Variants in NRG2 observed in about 807,000 individuals in gnomAD.
NRG2 encodes the protein pro-neuregulin-2, membrane-bound isoform.
In NRG2, 27 loss-of-function variants were observed where a neutral mutation model predicts 73.9. The observed-to-expected ratio is 0.37, with a 90% CI of 0.27 to 0.50. The LOEUF (loss-of-function observed/expected upper bound fraction) is 0.50. NRG2 is among the 20% of genes least tolerant of loss of function. The pLI, the probability that NRG2 is intolerant of heterozygous loss-of-function variation, is 0.96. For synonymous variants in NRG2, 532 were observed against 541.0 expected, an observed-to-expected ratio of 0.98 and a Z score of 0.23; for missense variants, 1,126 against 1,210.1, an observed-to-expected ratio of 0.93 and a Z score of 1.03.
chr5:139,851,321 A>C lies in NRG2; in HGVS notation c.1772+283T>G, dbSNP rs1761401351. The stretch of plus-strand genomic sequence containing the variant: ...TTCTTGATGTTCCAGTGTAACTATT[A>C]ATAATGTCCTTTTTCTAGTGTGAAA... On this transcript the variant is annotated intron_variant, in intron 9 of 9. Transcript: ENST00000361474. This position sits in a 1 kb window ranked among gnomAD's most constrained non-coding sequence, Gnocchi z 4.2. Among the ~76,000 whole-genome samples the C allele has an allele frequency of 6.6e-6, 1 of 152,088 alleles. No individual in the cohort carries two copies. The highest frequency in any genetic ancestry group is 1.5e-5 in the Non-Finnish European group (1 of 68,002).
chr5:139,914,862 A>T (rs1464101642), intron 1 of NRG2, among the ~76,000 whole-genome samples: 1 of 152,196 alleles, frequency 6.6e-6, no homozygotes, highest in African/African-American at 2.4e-5. Flanking sequence ...GGTCTAAAGA[A>T]GTGGACACAC....
intron 1 of NRG2, among the ~76,000 whole-genome samples, chr5:139,985,704 CAG>C (rs1193751156): frequency 2.6e-5 from 4 of 152,332 alleles, no homozygotes; most frequent in African/African-American, 9.6e-5. Context: ...TTCCCAATCT[CAG>C]GGGACAGCTT....
chr5:140,023,539 G>T (rs1044055481), intron 1 of NRG2, among the ~76,000 whole-genome samples: 5 of 152,138 alleles, frequency 3.3e-5, no homozygotes, highest in African/African-American at 1.2e-4. Flanking sequence ...ACTGATTCAT[G>T]TGAGTTTAAT....
intron 9 of NRG2, among the ~76,000 whole-genome samples, chr5:139,850,338 G>A (rs1761336266): frequency 6.6e-6 from 1 of 152,222 alleles, no homozygotes; most frequent in Non-Finnish European, 1.5e-5. Context: ...AGGTGGTGGA[G>A]CTGGGCTTAG....
chr5:139,945,864 T>C (rs781164960), intron 1 of NRG2, among the ~76,000 whole-genome samples: 1 of 152,042 alleles, frequency 6.6e-6, no homozygotes, highest in East Asian at 1.9e-4. Flanking sequence ...CCATTTATAA[T>C]AGCATCAAAA....
intron 1 of NRG2, among the ~76,000 whole-genome samples, chr5:140,003,912 C>T (rs1230424807): frequency 6.6e-6 from 1 of 152,202 alleles, no homozygotes; most frequent in Non-Finnish European, 1.5e-5. Context: ...CAACATACAT[C>T]CAGAATCAAC....
At chr5:140,001,052 T>C (rs924124416) in intron 1 of NRG2, among the ~76,000 whole-genome samples, 4 of 152,180 alleles carry the variant, frequency 2.6e-5, no homozygotes, top group Non-Finnish European at 4.4e-5. Context: ...CAGAGTTCCC[T>C]GGATTTTCCA....
intron 1 of NRG2, among the ~76,000 whole-genome samples, chr5:140,002,963 T>A (rs1758607020): frequency 6.6e-6 from 1 of 152,242 alleles, no homozygotes; most frequent in African/African-American, 2.4e-5. Flanking sequence ...GAATCCCAGA[T>A]GGCTCCAAGA....
intron 1 of NRG2, among the ~76,000 whole-genome samples, chr5:139,929,223 CCAAA>C (rs1752281560): frequency 6.6e-6 from 1 of 152,168 alleles, no homozygotes; most frequent in Non-Finnish European, 1.5e-5. Context: ...CACATGCTTC[CCAAA>C]CATACCTTAC....
chr5:139,903,084 C>G (rs1256640290), intron 1 of NRG2, among the ~76,000 whole-genome samples: 2 of 152,158 alleles, frequency 1.3e-5, no homozygotes, highest in African/African-American at 4.8e-5. Flanking sequence ...CACAGAAATT[C>G]AGGAAAGGAA....
In NRG2 at chr5:139,849,625, G is replaced by C. The variant is rs999115699; in HGVS notation, c.1773-928C>G. Among the ~76,000 whole-genome samples, 3 of 152,188 alleles carry C rather than the reference G, an allele frequency of 2.0e-5. No homozygotes were observed. In the East Asian group the frequency reaches 5.8e-4, roughly 29 times the overall value. ...CAGGACAGGGGCCACCCACCTCCACGCTTCCCTTCCAAACTGCACAGCTGG... is the reference window on the plus strand; with the variant it reads ...CAGGACAGGGGCCACCCACCTCCACCCTTCCCTTCCAAACTGCACAGCTGG... On this transcript the variant is annotated intron_variant, in intron 9 of 9. Transcript: ENST00000361474.
chr5:139,913,124 C>A (rs1750976322), intron 1 of NRG2, among the ~76,000 whole-genome samples: 1 of 152,240 alleles, frequency 6.6e-6, no homozygotes, highest in Non-Finnish European at 1.5e-5. Context: ...ACCTCAGGAG[C>A]TCTGAGCACC....
chr5:139,968,760 A>G (rs1384297012), intron 1 of NRG2, among the ~76,000 whole-genome samples: 1 of 152,258 alleles, frequency 6.6e-6, no homozygotes, highest in Non-Finnish European at 1.5e-5. Context: ...CAGCAAGCCC[A>G]GCAAGAACCC....
intron 5 of NRG2, among the ~76,000 whole-genome samples, chr5:139,858,006 G>A (rs1761912051): frequency 6.6e-6 from 1 of 152,022 alleles, no homozygotes. Context: ...TCCCCACCCT[G>A]CCCCCAGCCC....
chr5:139,958,046 A>C (rs1036939096), intron 1 of NRG2, among the ~76,000 whole-genome samples: 15 of 152,032 alleles, frequency 9.9e-5, no homozygotes, highest in African/African-American at 3.6e-4. Flanking sequence ...ACTGGAAGGT[A>C]CCTCCTGGAA....
chr5:139,961,110 G>C (rs1452512803), intron 1 of NRG2, among the ~76,000 whole-genome samples: 1 of 152,230 alleles, frequency 6.6e-6, no homozygotes, highest in African/African-American at 2.4e-5. Context: ...GAACCAACAC[G>C]CTTGTACGCT....
chr5:139,984,845 C>T (rs1757052295), intron 1 of NRG2, among the ~76,000 whole-genome samples: 1 of 152,156 alleles, frequency 6.6e-6, no homozygotes, highest in Non-Finnish European at 1.5e-5. Flanking sequence ...TTCTAACACC[C>T]CTTTTGCTTT....
chr5:139,979,972 T>A (rs1561725560), intron 1 of NRG2, among the ~76,000 whole-genome samples: 1 of 152,204 alleles, frequency 6.6e-6, no homozygotes, highest in Non-Finnish European at 1.5e-5. Context: ...AATACTCTGT[T>A]GGAAACTAAG....
chr5:139,847,984 G>C lies in NRG2; in HGVS notation c.2486C>G (p.Thr829Arg). ...RTYYSLDSHSTRASSRHSRGP... is the reference protein window; with the variant it reads ...RTYYSLDSHSRRASSRHSRGP... ...GCGGCTGTGTCTGCTGCTGGCCCGCGTGCTGTGGCTGTCCAGTGAGTAGTA... is the reference window on the plus strand; with the variant it reads ...GCGGCTGTGTCTGCTGCTGGCCCGCCTGCTGTGGCTGTCCAGTGAGTAGTA... The change falls in exon 10 of 10, where the codon ACG becomes AGG. Residue 829 changes from threonine to arginine, a missense_variant. Thr to Arg is a moderately conservative substitution (Grantham distance 71). This residue lies in a region of NRG2 where 402 missense variants were observed against 357.8 expected (regional missense o/e 1.12). Transcript: ENST00000361474. 2 of 1,513,638 alleles carry C rather than the reference G, an allele frequency of 1.3e-6. No homozygotes were observed. The highest frequency in any genetic ancestry group is 1.8e-6 in the Non-Finnish European group (2 of 1,135,362). The allele number at this position is 1,513,638 out of a possible 1,614,324, so 93.8% of individuals were successfully genotyped here.
Sources: allele counts gnomAD v4.1 joint callset (sites outside exome capture counted in the v4.1 genomes callset), GRCh38; gene constraint gnomAD v4.1.1; regional missense constraint gnomAD v4.1.1; non-coding constraint Gnocchi (gnomAD v3.1); transcripts MANE v1.5; gene names NCBI Gene and HGNC (gene_info 2026-07-23, HGNC 2026-07-21).